EED: variants seen among roughly 807,000 people sequenced by gnomAD.
EED encodes polycomb protein EED.
In EED, 9 loss-of-function variants were observed where a neutral mutation model predicts 61.0. The ratio of observed to expected loss-of-function variants is 0.15; its 90% CI spans 0.09 to 0.26. The LOEUF (loss-of-function observed/expected upper bound fraction) is 0.26, where lower values mean the gene tolerates loss of function less well. EED is among the 10% of genes least tolerant of loss of function. The probability of loss-of-function intolerance (pLI) is 1.00; values close to 1 mark genes in which losing one functional copy is unlikely to be tolerated. For synonymous variants in EED, 187 were observed against 174.4 expected (o/e 1.07, Z -0.57); for missense variants, 315 against 542.3 (o/e 0.58, Z 4.16).
chr11:86,280,878 G>A (rs1946315784), downstream of EED, among the ~76,000 whole-genome samples: 2 of 152,188 alleles, frequency 1.3e-5, no homozygotes, highest in East Asian at 1.9e-4. Context: ...TATCATGAAA[G>A]GGTGTTGAAT....
intron 6 of EED, among the ~76,000 whole-genome samples, chr11:86,262,685 A>AT (rs1945864466): frequency 1.3e-5 from 2 of 151,320 alleles, no homozygotes; most frequent in Admixed American, 1.3e-4. Context: ...TAGTTTTTGT[A>AT]TTTTTTGTAG....
chr11:86,284,200 T>C, the EED span: 4 of 152,234 alleles, frequency 2.6e-5, no homozygotes, highest in Admixed American at 1.3e-4. Flanking sequence ...GGACAGCAGA[T>C]TCTTCAAAGC....
intron 6 of EED, among the ~76,000 whole-genome samples, chr11:86,262,548 T>C (rs898713052): frequency 6.6e-6 from 1 of 151,968 alleles, no homozygotes; most frequent in African/African-American, 2.4e-5. Context: ...TCACACCCTC[T>C]CCTTCCCTTT....
intron 9 of EED, among the ~76,000 whole-genome samples, chr11:86,274,344 A>G (rs1040750012): frequency 3.3e-5 from 5 of 152,104 alleles, no homozygotes; most frequent in African/African-American, 7.2e-5. Flanking sequence ...CAGTGTTGGT[A>G]TCTATTGATT....
intron 1 of EED, among the ~76,000 whole-genome samples, chr11:86,249,602 CTT>C (rs1409666966): frequency 6.6e-6 from 1 of 151,734 alleles, no homozygotes. Context: ...GCAGTCATTT[CTT>C]TTTTTTGGAA....
chr11:86,275,341 G>A (rs1946204823), intron 9 of EED, among the ~76,000 whole-genome samples: 1 of 152,152 alleles, frequency 6.6e-6, no homozygotes, highest in African/African-American at 2.4e-5. Flanking sequence ...CTCTGGAAAG[G>A]ATTTCTGAAT....
intron 2 of EED, 55 bp from the exon 3 acceptor site, chr11:86,252,093 A>G (rs1945546469): frequency 1.4e-6 from 2 of 1,452,720 alleles, no homozygotes; most frequent in Admixed American, 1.8e-5. Flanking sequence ...GTTTACTGTC[A>G]TTTTCTGGTT....
the EED span, among the ~76,000 whole-genome samples, chr11:86,286,044 TA>T: frequency 6.6e-6 from 1 of 151,492 alleles, no homozygotes; most frequent in Non-Finnish European, 1.5e-5. Context: ...ACTCCACTTT[TA>T]TTTGAGACAG....
chr11:86,271,926 T>C (rs1392876599), intron 9 of EED, among the ~76,000 whole-genome samples: 1 of 144,636 alleles, frequency 6.9e-6, no homozygotes. Flanking sequence ...TCGTGAGGTA[T>C]GATACTGGTC....
chr11:86,252,030 T>C (rs1482647647), intron 2 of EED, 118 bp from the exon 3 acceptor site: 1 of 597,048 alleles, frequency 1.7e-6, no homozygotes, highest in Admixed American at 3.1e-5. Context: ...TTAGCTTATG[T>C]ATGATACACA....
At chr11:86,271,631 A>G (rs368869410) in intron 9 of EED, among the ~76,000 whole-genome samples, 1 of 152,144 alleles carries the variant, frequency 6.6e-6, no homozygotes, top group African/African-American at 2.4e-5. Flanking sequence ...TTTTGTAGAT[A>G]TTCTCTATCA....
At chr11:86,255,832 G>C (rs182869075) in intron 4 of EED, among the ~76,000 whole-genome samples, 1 of 152,064 alleles carries the variant, frequency 6.6e-6, no homozygotes, top group African/African-American at 2.4e-5. Context: ...GAGTTAGAGC[G>C]GTAAAAGCTA....
At chr11:86,271,079 A>C (rs1413687637) in intron 9 of EED, among the ~76,000 whole-genome samples, 2 of 152,154 alleles carry the variant, frequency 1.3e-5, no homozygotes, top group African/African-American at 4.8e-5. Flanking sequence ...TTTGAGGAGA[A>C]GGAGTTTTTA....
chr11:86,254,864 G>C (rs771347506), intron 3 of EED, among the ~76,000 whole-genome samples: 1 of 152,154 alleles, frequency 6.6e-6, no homozygotes, highest in East Asian at 1.9e-4. Flanking sequence ...CTCATGATCC[G>C]CATGCCTTGG....
At chr11:86,262,777 T>G (rs1292978563) in intron 6 of EED, among the ~76,000 whole-genome samples, 1 of 150,898 alleles carries the variant, frequency 6.6e-6, no homozygotes, top group African/African-American at 2.4e-5. Flanking sequence ...CCCATGCTGC[T>G]GGAATTACAG....
chr11:86,256,899 C>T (rs1018302748), intron 5 of EED, among the ~76,000 whole-genome samples: 5 of 152,140 alleles, frequency 3.3e-5, no homozygotes, highest in African/African-American at 4.8e-5. Context: ...GATAAGAAGA[C>T]GGGTTTTTCA....
intron 1 of EED, among the ~76,000 whole-genome samples, chr11:86,248,704 T>C (rs1004600960): frequency 5.3e-5 from 8 of 152,100 alleles, no homozygotes; most frequent in African/African-American, 1.9e-4. Flanking sequence ...AATTTACATG[T>C]CTATCAGTTA....
rs971156768 is a variant in EED, at chr11:86,244,972, G to A, written c.-258G>A. On this transcript the variant is annotated 5_prime_UTR_variant, in exon 1 of 12. Coordinates refer to ENST00000263360, the MANE Select transcript of EED (RefSeq NM_003797.5). ...CTGCCGGGAGGGCGGCGGGAAAAGG[G>A]CAAGACGGGAGTTGGGGAAGGGAAG... The A allele has an allele frequency of 7.5e-6, 3 of 399,412 alleles. No individual in the cohort carries two copies. The highest frequency in any genetic ancestry group is 4.3e-5 in the African/African-American group (2 of 46,900). The allele number at this position is 399,412 out of a possible 1,614,324, so 24.7% of individuals were successfully genotyped here.
At chr11:86,264,482 A>G (rs1188405716) in intron 7 of EED, 4 of 361,766 alleles carry the variant, frequency 1.1e-5, no homozygotes, top group Non-Finnish European at 2.0e-5. Context: ...CTGTATACCA[A>G]TCCCTGGAGT....
Sources: gnomAD v4.1 joint callset for allele counts (sites outside exome capture counted in the v4.1 genomes callset) on GRCh38, gnomAD v4.1.1 for gene constraint, MANE v1.5 for transcripts, NCBI Gene and HGNC (gene_info 2026-07-23, HGNC 2026-07-21) for gene names.